Variants in THADA observed in about 807,000 individuals in gnomAD.
THADA encodes THADA armadillo repeat containing, also known as tRNA (32-2'-O)-methyltransferase regulator THADA.
THADA carries 213 observed loss-of-function variants against 219.8 expected under a neutral mutation model. The ratio of observed to expected loss-of-function variants is 0.97; its 90% CI spans 0.87 to 1.09. The LOEUF is 1.09. Among genes scored for constraint, THADA ranks in the 50% least tolerant of loss-of-function variants. The pLI, the probability that THADA is intolerant of heterozygous loss-of-function variation, is 0.00. For missense variants in THADA, 2,956 were observed against 2,311.3 expected (o/e 1.28, Z -5.72); for synonymous variants, 1,018 against 828.9 (o/e 1.23, Z -3.92).
At chr2:43,284,638 AGC>A in intron 35 of THADA, among the ~76,000 whole-genome samples, 1 of 152,314 alleles carries the variant, frequency 6.6e-6, no homozygotes, top group South Asian at 2.1e-4. Flanking sequence ...GTGGGGTTAG[AGC>A]CCTCACACAG....
chr2:43,338,250 A>G (rs1666699432), intron 30 of THADA, among the ~76,000 whole-genome samples: 1 of 147,340 alleles, frequency 6.8e-6, no homozygotes. Context: ...TCCATCTCCC[A>G]GGTTCAAGCG....
chr2:43,494,034 T>C (rs1420612044), intron 25 of THADA, among the ~76,000 whole-genome samples: 1 of 152,292 alleles, frequency 6.6e-6, no homozygotes, highest in East Asian at 1.9e-4. Flanking sequence ...ACTATATCCA[T>C]GGAAGCTCTG....
chr2:43,396,135 G>T (rs774005854), intron 29 of THADA, among the ~76,000 whole-genome samples: 1 of 152,190 alleles, frequency 6.6e-6, no homozygotes, highest in Non-Finnish European at 1.5e-5. Flanking sequence ...AGTGTAAAGA[G>T]GTCCTGAGAC....
intron 30 of THADA, among the ~76,000 whole-genome samples, chr2:43,335,784 CCT>C (rs1666343285): frequency 7.0e-6 from 1 of 143,290 alleles, no homozygotes; most frequent in African/African-American, 2.7e-5. Flanking sequence ...AGAGCAAGCC[CCT>C]GTCTCTACTT....
intron 29 of THADA, among the ~76,000 whole-genome samples, chr2:43,345,795 A>G (rs1283297713): frequency 6.6e-6 from 1 of 152,216 alleles, no homozygotes; most frequent in Non-Finnish European, 1.5e-5. Flanking sequence ...AGCAAAATGC[A>G]TGACTTCGGA....
At chr2:43,436,753 G>A (rs2104844859) in intron 26 of THADA, among the ~76,000 whole-genome samples, 1 of 152,310 alleles carries the variant, frequency 6.6e-6, no homozygotes, top group African/African-American at 2.4e-5. Flanking sequence ...GTTCAATGGA[G>A]GCACTATCAA....
intron 19 of THADA, among the ~76,000 whole-genome samples, chr2:43,549,581 T>C: frequency 6.6e-6 from 1 of 152,120 alleles, no homozygotes; most frequent in East Asian, 1.9e-4. Flanking sequence ...GACTGAAATA[T>C]AACAACAAAA....
At chr2:43,401,003 C>T (rs1674766719) in intron 28 of THADA, among the ~76,000 whole-genome samples, 1 of 152,170 alleles carries the variant, frequency 6.6e-6, no homozygotes, top group Non-Finnish European at 1.5e-5. Context: ...CTCTGTCTCT[C>T]TAAGTCTCAG....
chr2:43,445,050 A>C (rs1681344283), intron 26 of THADA, among the ~76,000 whole-genome samples: 1 of 152,166 alleles, frequency 6.6e-6, no homozygotes, highest in Non-Finnish European at 1.5e-5. Flanking sequence ...GGAAGCCAAT[A>C]AACTATTAAA....
intron 26 of THADA, among the ~76,000 whole-genome samples, chr2:43,432,977 G>A (rs1443472226): frequency 6.6e-6 from 1 of 152,054 alleles, no homozygotes; most frequent in Non-Finnish European, 1.5e-5. Flanking sequence ...TTTTGACAAA[G>A]TTCACTATTT....
intron 22 of THADA, among the ~76,000 whole-genome samples, chr2:43,516,352 C>T (rs74600494): frequency 0.11 from 16,091 of 152,114 alleles, 937 homozygotes; most frequent in African/African-American, 0.15. Flanking sequence ...CTAGTCCTCA[C>T]AACTTCTCTG....
At chr2:43,555,083 G>C (rs1479953699) in intron 17 of THADA, among the ~76,000 whole-genome samples, 1 of 151,908 alleles carries the variant, frequency 6.6e-6, no homozygotes, top group Non-Finnish European at 1.5e-5. Context: ...GTTTACACTG[G>C]CATTATTTAT....
At chr2:43,261,914 G>A (rs1361872908) in intron 36 of THADA, among the ~76,000 whole-genome samples, 1 of 151,932 alleles carries the variant, frequency 6.6e-6, no homozygotes, top group Non-Finnish European at 1.5e-5. Flanking sequence ...TAGGATTACA[G>A]GCATGAGCCA....
At chr2:43,457,588 A>G (rs1309119106) in intron 26 of THADA, among the ~76,000 whole-genome samples, 1 of 152,208 alleles carries the variant, frequency 6.6e-6, no homozygotes, top group Non-Finnish European at 1.5e-5. Context: ...TAGTTTTCAT[A>G]TGTAAATTCT....
chr2:43,336,355 T>G (rs1666434342), intron 30 of THADA, among the ~76,000 whole-genome samples: 1 of 151,996 alleles, frequency 6.6e-6, no homozygotes, highest in African/African-American at 2.4e-5. Context: ...CACCGTAAAC[T>G]CCGCCTCCCA....
intron 20 of THADA, among the ~76,000 whole-genome samples, chr2:43,548,674 G>T (rs1026377133): frequency 3.3e-5 from 5 of 152,352 alleles, no homozygotes; most frequent in Middle Eastern, 6.8e-3. Context: ...CTCTGAGCCA[G>T]GTGCGGGATA....
intron 22 of THADA, among the ~76,000 whole-genome samples, chr2:43,516,646 G>T (rs1234238472): frequency 1.3e-5 from 2 of 152,066 alleles, no homozygotes; most frequent in Admixed American, 1.3e-4. Context: ...TTTGCTCAAG[G>T]TTACATAGCA....
At chr2:43,408,805 C>G (rs1165686430) in intron 28 of THADA, among the ~76,000 whole-genome samples, 2 of 152,062 alleles carry the variant, frequency 1.3e-5, no homozygotes, top group African/African-American at 4.8e-5. Flanking sequence ...TCATTATGAC[C>G]TCTCTTGTTC....
chr2:43,573,727 T>C (rs192244101), intron 11 of THADA, among the ~76,000 whole-genome samples: 7 of 152,366 alleles, frequency 4.6e-5, no homozygotes, highest in Non-Finnish European at 7.3e-5. Flanking sequence ...ACATTCTTGC[T>C]TTGTTAAACA....
Sources: gnomAD v4.1 joint callset for allele counts (sites outside exome capture counted in the v4.1 genomes callset) on GRCh38, gnomAD v4.1.1 for gene constraint, MANE v1.5 for transcripts, NCBI Gene and HGNC (gene_info 2026-07-23, HGNC 2026-07-21) for gene names.